Variants in TSBP1 observed in about 807,000 individuals in gnomAD.
TSBP1 encodes testis-expressed basic protein 1.
Under a neutral mutation model 68.8 loss-of-function variants are expected in TSBP1, and 56 were observed. The ratio of observed to expected loss-of-function variants is 0.81; its 90% CI spans 0.66 to 1.02. The LOEUF is 1.02. Ranked by LOEUF, TSBP1 falls within the 50% of genes least tolerant of loss-of-function variation. The pLI, the probability that TSBP1 is intolerant of heterozygous loss-of-function variation, is 0.00. For synonymous variants in TSBP1, 171 were observed against 208.7 expected (o/e 0.82, Z 1.56); for missense variants, 502 against 641.2 (o/e 0.78, Z 2.34).
intron 9 of TSBP1, among the ~76,000 whole-genome samples, chr6:32,342,983 G>A (rs1335553324): frequency 1.3e-5 from 2 of 152,226 alleles, no homozygotes; most frequent in South Asian, 2.1e-4. Flanking sequence ...GTGAGAGGAT[G>A]TGGTCAAAGG....
At chr6:32,344,281 C>T (rs1770722448) in intron 9 of TSBP1, among the ~76,000 whole-genome samples, 1 of 85,468 alleles carries the variant, frequency 1.2e-5, no homozygotes, top group Non-Finnish European at 2.2e-5. Context: ...ACCCTCCACC[C>T]CACAACAGTC....
chr6:32,293,350 G>A, exon 23 of TSBP1: 2 of 1,612,192 alleles, frequency 1.2e-6, no homozygotes, highest in Non-Finnish European at 1.7e-6. Context: ...TCTTTTCTTG[G>A]ACCTCTTGTT....
chr6:32,326,305 T>C (rs1768213323), intron 16 of TSBP1: 1 of 665,386 alleles, frequency 1.5e-6, no homozygotes, highest in African/African-American at 1.8e-5. Flanking sequence ...AGAAGACATG[T>C]TTTAGACAAA....
chr6:32,349,907 G>A (rs1037625153), intron 8 of TSBP1, 147 bp from the exon 9 acceptor site: 20 of 872,266 alleles, frequency 2.3e-5, no homozygotes, highest in Non-Finnish European at 3.4e-5. Context: ...GCAATGCAAT[G>A]TGGTGAGCAG....
Position 32,321,482 on chromosome 6 carries a change from C to G in TSBP1, c.559+1635G>C, listed in dbSNP as rs996616023. Reference sequence around the variant, plus strand: ...CCTGACCTCAGGTGGGCATTGGTCCCTGTGCCCAATTATAGGGCCTATTCC... The same window carrying G: ...CCTGACCTCAGGTGGGCATTGGTCCGTGTGCCCAATTATAGGGCCTATTCC... On this transcript the variant is annotated intron_variant, in intron 18 of 22. Coordinates refer to ENST00000612031, the Ensembl canonical transcript of TSBP1. The surrounding 1 kb of genome is among the most constrained non-coding windows in gnomAD (Gnocchi z 4.3). 6.6e-6 allele frequency among the ~76,000 whole-genome samples: 1 copy of G among 152,182 alleles called. No homozygotes were observed. Among genetic ancestry groups the G allele is most frequent in the African/African-American group, 2.4e-5 (1 of 41,446 alleles).
intron 18 of TSBP1, among the ~76,000 whole-genome samples, chr6:32,319,190 C>T (rs1401222234): frequency 6.6e-6 from 1 of 152,204 alleles, no homozygotes; most frequent in Non-Finnish European, 1.5e-5. Context: ...GACCCCAAAT[C>T]TAGGAGTAAC....
In TSBP1 at chr6:32,320,948, G is replaced by A. The variant is rs117008506; in HGVS notation, c.559+2169C>T. Among the ~76,000 whole-genome samples the A allele has an allele frequency of 6.7e-3, 1,012 of 152,082 alleles. 17 individuals are homozygous for A. The highest frequency in any genetic ancestry group is 0.019 in the East Asian group (101 of 5,180). ...AAGAACATGTGGTATCTGGTTTTCT[G>A]TTCCTGCATTAGTTTGCTAGGGGTA... is the stretch of plus-strand genomic sequence containing the variant. On this transcript the variant is annotated intron_variant, in intron 18 of 22. Transcript: ENST00000612031.
chr6:32,359,508 G>C (rs1772753893), intron 6 of TSBP1, among the ~76,000 whole-genome samples: 1 of 151,952 alleles, frequency 6.6e-6, no homozygotes, highest in Non-Finnish European at 1.5e-5. Context: ...TTTTTTTCTT[G>C]TGAATTTGTT....
chr6:32,314,744 G>A lies in TSBP1; in HGVS notation c.580+1028C>T, dbSNP rs114618381. Among the ~76,000 whole-genome samples, 6,009 of 152,246 alleles carry A rather than the reference G, an allele frequency of 0.039. 340 individuals are homozygous for A. The highest frequency in any genetic ancestry group is 0.12 in the African/African-American group (5,153 of 41,530). The stretch of plus-strand genomic sequence containing the variant: ...CAGAGTGTGTTTAGAAGGAACTGGA[G>A]GAGGATATATAAGCATATTTGAAAT... On this transcript the variant is annotated intron_variant, in intron 19 of 22. Transcript: ENST00000612031. This position sits in a 1 kb window ranked among gnomAD's most constrained non-coding sequence, Gnocchi z 4.2.
intron 16 of TSBP1, among the ~76,000 whole-genome samples, chr6:32,327,945 C>T (rs1768440378): frequency 6.6e-6 from 1 of 151,298 alleles, no homozygotes; most frequent in African/African-American, 2.4e-5. Flanking sequence ...GCACCCGCCA[C>T]CATGCCCGAC....
intron 19 of TSBP1, among the ~76,000 whole-genome samples, chr6:32,308,110 A>C (rs1158330861): frequency 6.6e-6 from 1 of 151,236 alleles, no homozygotes; most frequent in African/African-American, 2.4e-5. Context: ...CTTCATTTAA[A>C]TTTTTCTGTG....
intron 1 of TSBP1, 60 bp downstream of exon 1, chr6:32,371,634 A>G: frequency 2.4e-6 from 3 of 1,237,210 alleles, no homozygotes; most frequent in Admixed American, 1.7e-5. Context: ...CTAAGTCCCT[A>G]AGAGGAGACT....
chr6:32,355,738 C>A, intron 6 of TSBP1, 69 bp from the exon 7 acceptor site: 1 of 1,537,082 alleles, frequency 6.5e-7, no homozygotes, highest in Non-Finnish European at 8.7e-7. Context: ...GGTATCACTA[C>A]AGAGGATTAC....
In TSBP1 at chr6:32,332,692, C is replaced by T. The variant is rs531216047; in HGVS notation, c.473-638G>A. On this transcript the variant is annotated intron_variant, in intron 14 of 22. Coordinates refer to ENST00000612031, the Ensembl canonical transcript of TSBP1. ...TGGTGCAATCCTAGCTCACTACAGT[C>T]TCGACCTCCTGGGCTCAAGTGATCC... is the stretch of plus-strand genomic sequence containing the variant. Among the ~76,000 whole-genome samples, 25 of 152,164 alleles carry T rather than the reference C, an allele frequency of 1.6e-4. No individual in the cohort carries two copies. The East Asian group carries it at 4.6e-3, about 28-fold the overall frequency.
intron 16 of TSBP1, among the ~76,000 whole-genome samples, chr6:32,329,257 G>A (rs1768641571): frequency 6.6e-6 from 1 of 152,120 alleles, no homozygotes; most frequent in African/African-American, 2.4e-5. Context: ...AAAGGGAAAG[G>A]GAATTCATGT....
chr6:32,320,223 T>G (rs542457300), intron 18 of TSBP1: 66 of 456,212 alleles, frequency 1.4e-4, no homozygotes, highest in Middle Eastern at 3.3e-4. Context: ...CACTGCCACT[T>G]AACCAGATCT....
At position 32,292,761 on chromosome 6, in the gene TSBP1, A is replaced by G. The variant is rs921471635; in HGVS notation, c.*220T>C. 1.0e-5 allele frequency: 5 copies of G among 491,176 alleles called. No individual in the cohort carries two copies. The Admixed American group carries it at 1.5e-4, about 15-fold the overall frequency. The allele number at this position is 491,176 out of a possible 1,614,324, so 30.4% of individuals were successfully genotyped here. On this transcript the variant is annotated 3_prime_UTR_variant, in exon 23 of 23. Transcript: ENST00000612031. This position sits in a 1 kb window ranked among gnomAD's most constrained non-coding sequence, Gnocchi z 4.1. ...AAAGTATCCAGTCTTTCTTGACGGA[A>G]TCATATACGTCTTAACTTATAAAAC...
chr6:32,349,909 G>T, intron 8 of TSBP1, 149 bp from the exon 9 acceptor site: 1 of 866,170 alleles, frequency 1.2e-6, no homozygotes, highest in Non-Finnish European at 2.0e-6. Context: ...AATGCAATGT[G>T]GTGAGCAGCT....
In TSBP1 at chr6:32,306,063, C is replaced by T. The variant is rs1765752688; in HGVS notation, c.581-3434G>A. Among the ~76,000 whole-genome samples, 1 of 152,116 alleles carries T rather than the reference C, an allele frequency of 6.6e-6. No individual in the cohort carries two copies. The highest frequency in any genetic ancestry group is 2.1e-4 in the South Asian group (1 of 4,826). On this transcript the variant is annotated intron_variant, in intron 19 of 22. Coordinates refer to ENST00000612031, the Ensembl canonical transcript of TSBP1. The surrounding 1 kb of genome is among the most constrained non-coding windows in gnomAD (Gnocchi z 5.1). Reference sequence around the variant, plus strand: ...CAAGGGTCATAACACATTTGTATGACAGTGAAACAGCAAAATAACTAACAT... The same window carrying T: ...CAAGGGTCATAACACATTTGTATGATAGTGAAACAGCAAAATAACTAACAT...
Sources: gnomAD v4.1 joint callset for allele counts (sites outside exome capture counted in the v4.1 genomes callset) on GRCh38, gnomAD v4.1.1 for gene constraint, Gnocchi (gnomAD v3.1) non-coding constraint, MANE v1.5 for transcripts, NCBI Gene and HGNC (gene_info 2026-07-23, HGNC 2026-07-21) for gene names.